The following PCDHGB3 variants were observed in gnomAD, a reference collection of about 807,000 sequenced individuals.
PCDHGB3 encodes protocadherin gamma subfamily B, 3.
Under a neutral mutation model 59.2 loss-of-function variants are expected in PCDHGB3, and 40 were observed. That is an observed-to-expected ratio of 0.68 (90% CI 0.52 to 0.88). The LOEUF is 0.88. Ranked by LOEUF, PCDHGB3 falls within the 40% of genes least tolerant of loss-of-function variation. PCDHGB3 has a pLI of 0.00. For synonymous variants in PCDHGB3, 581 were observed against 503.6 expected (o/e 1.15, Z -2.06); for missense variants, 1,309 against 1,187.9 (o/e 1.10, Z -1.50).
At chr5:141,377,431 A>T (rs1773974129) in intron 1 of PCDHGB3, 1 of 152,002 alleles carries the variant, frequency 6.6e-6, no homozygotes, top group East Asian at 1.9e-4. Context: ...CTCTGTCTCT[A>T]CCAAAAAGAA....
chr5:141,417,954 C>G, intron 1 of PCDHGB3: 2 of 1,613,600 alleles, frequency 1.2e-6, no homozygotes, highest in South Asian at 1.1e-5. Flanking sequence ...CTGTGTGAGC[C>G]GATCCGCTAC....
At chr5:141,381,826 C>CTTTTTTTTTTTTTTTTTTTT (rs770630741) in intron 1 of PCDHGB3, among the ~76,000 whole-genome samples, 4 of 74,282 alleles carry the variant, frequency 5.4e-5, no homozygotes, top group Admixed American at 1.9e-4. Context: ...CTTTCTTCTT[C>CTTTTTTTTTTTTTTTTTTTT]TTTTTTTTTT....
chr5:141,387,718 T>G, intron 1 of PCDHGB3: 1 of 1,099,216 alleles, frequency 9.1e-7, no homozygotes, highest in South Asian at 1.7e-5. Context: ...CAGCTCAGAC[T>G]CCCCAGCGCC....
In PCDHGB3 at chr5:141,490,823, A is replaced by T. The variant is rs1340589166; in HGVS notation, c.2416-3984A>T. ...CGTACCTTTGACTATGAATTGCTGC[A>T]GATGCTGCAGATTGTGGTGGGGGTT... On this transcript the variant is annotated intron_variant, in intron 1 of 3. Transcript: ENST00000576222. This position sits in a 1 kb window ranked among gnomAD's most constrained non-coding sequence, Gnocchi z 5.4. 13 of 1,613,928 alleles carry T rather than the reference A, an allele frequency of 8.1e-6. No individual in the cohort carries two copies. Among genetic ancestry groups the T allele is most frequent in the Non-Finnish European group, 9.3e-6 (11 of 1,179,864 alleles).
In PCDHGB3 at chr5:141,415,072, G is replaced by A. The variant is rs558067255; in HGVS notation, c.2415+42263G>A. On this transcript the variant is annotated intron_variant, in intron 1 of 3. Coordinates refer to ENST00000576222, the MANE Select transcript of PCDHGB3 (RefSeq NM_018924.5). ...GGAGCACACGGGCGAGGTGCGCACG[G>A]CGCGAGCCCTGCTGGACAGAGACGC... 6.2e-5 allele frequency: 100 copies of A among 1,613,418 alleles called. No individual in the cohort carries two copies. The East Asian group carries it at 2.0e-3, about 32-fold the overall frequency.
chr5:141,371,710 CTCT>C lies in PCDHGB3; in HGVS notation c.1317_1319del (p.Leu440del). On this transcript the variant is annotated inframe_deletion, in exon 1 of 4. Transcript: ENST00000576222. Reference sequence around the variant, plus strand: ...CCGCTCTCCTCCAGCAAGACCATCACTCTGCACATCCTTGATGTCAACGACAAC... The same window carrying C: ...CCGCTCTCCTCCAGCAAGACCATCACGCACATCCTTGATGTCAACGACAAC... 1 of 1,614,076 alleles carries C rather than the reference CTCT, an allele frequency of 6.2e-7. No homozygotes were observed. The highest frequency in any genetic ancestry group is 8.5e-7 in the Non-Finnish European group (1 of 1,179,906).
intron 1 of PCDHGB3, among the ~76,000 whole-genome samples, chr5:141,448,931 C>G (rs966398044): frequency 1.3e-5 from 2 of 152,040 alleles, no homozygotes; most frequent in African/African-American, 4.8e-5. Context: ...GGCGACAGAG[C>G]AAGACTGCAA....
At chr5:141,409,464 C>A in intron 1 of PCDHGB3, 1 of 1,613,940 alleles carries the variant, frequency 6.2e-7, no homozygotes, top group South Asian at 1.1e-5. Context: ...TACAATGTCA[C>A]CATCGTAGCC....
At chr5:141,428,003 C>T in intron 1 of PCDHGB3, 1 of 1,601,362 alleles carries the variant, frequency 6.2e-7, no homozygotes, top group East Asian at 2.2e-5. Flanking sequence ...CCGCACTCTT[C>T]GATATAGTGC....
intron 1 of PCDHGB3, chr5:141,475,839 CAG>C: frequency 2.3e-6 from 1 of 433,254 alleles, no homozygotes; most frequent in Non-Finnish European, 4.1e-6. Flanking sequence ...GTGTCCTGCT[CAG>C]AGAGCCCGGC....
intron 1 of PCDHGB3, among the ~76,000 whole-genome samples, chr5:141,461,100 T>C (rs926482549): frequency 1.1e-4 from 16 of 152,062 alleles, no homozygotes; most frequent in African/African-American, 3.6e-4. Context: ...TATAAACATA[T>C]GTGTCCAAGT....
chr5:141,373,190 A>G (rs746967409), intron 1 of PCDHGB3, among the ~76,000 whole-genome samples: 1 of 152,254 alleles, frequency 6.6e-6, no homozygotes, highest in Non-Finnish European at 1.5e-5. Flanking sequence ...ATGAAACATT[A>G]TGTATATCTT....
At chr5:141,433,358 C>CCTAT (rs3074541) in intron 1 of PCDHGB3, 148,925 of 502,316 alleles carry the variant, frequency 0.3, 18,760 homozygotes, top group East Asian at 0.33. Flanking sequence ...CTACTGTCTG[C>CCTAT]CTATCTATCT....
chr5:141,388,659 A>C (rs777197911), intron 1 of PCDHGB3: 1 of 1,613,882 alleles, frequency 6.2e-7, no homozygotes, highest in East Asian at 2.2e-5. Flanking sequence ...GTACCCGGGG[A>C]CCACGGTGCT....
chr5:141,453,680 A>G (rs1466590010), intron 1 of PCDHGB3, among the ~76,000 whole-genome samples: 1 of 152,220 alleles, frequency 6.6e-6, no homozygotes, highest in Non-Finnish European at 1.5e-5. Context: ...GTAACACACT[A>G]TGTAGGTAGT....
intron 1 of PCDHGB3, chr5:141,393,919 T>C: frequency 6.2e-7 from 1 of 1,613,992 alleles, no homozygotes; most frequent in Non-Finnish European, 8.5e-7. Flanking sequence ...ATTGCCTTCT[T>C]GAGTGTGCAT....
chr5:141,387,998 C>A, intron 1 of PCDHGB3: 1 of 1,485,206 alleles, frequency 6.7e-7, no homozygotes, highest in South Asian at 1.3e-5. Flanking sequence ...ACAGGATTCC[C>A]GAGGAAATGC....
rs780828000 is a variant in PCDHGB3 at position 141,372,173 on chromosome 5, G to A, written c.1779G>A (p.Ala593=). The change falls in exon 1 of 4, where the codon GCG becomes GCA. Residue 593 remains alanine, a synonymous_variant. Transcript: ENST00000576222. ...GCTACCTGGTGACCAAGGTGGTGGC[G>A]GTGGACGCAGACTCGGGATACAACG... ...EPGYLVTKVV[A]VDADSGYNAW... The A allele has an allele frequency of 1.2e-6, 2 of 1,613,722 alleles. No homozygotes were observed. The highest frequency in any genetic ancestry group is 1.7e-6 in the Non-Finnish European group (2 of 1,179,926).
intron 1 of PCDHGB3, chr5:141,403,572 C>T (rs749341214): frequency 1.9e-6 from 3 of 1,613,946 alleles, no homozygotes; most frequent in Non-Finnish European, 8.5e-7. Flanking sequence ...GAGGCAACTG[C>T]CCACCACCTG....
Sources: allele counts gnomAD v4.1 joint callset (sites outside exome capture counted in the v4.1 genomes callset), GRCh38; gene constraint gnomAD v4.1.1; non-coding constraint Gnocchi (gnomAD v3.1); transcripts MANE v1.5; gene names NCBI Gene and HGNC (gene_info 2026-07-23, HGNC 2026-07-21).